The following ST7L variants were observed in gnomAD, a reference collection of about 807,000 sequenced individuals.
The protein encoded by ST7L is suppressor of tumorigenicity 7 protein-like.
In ST7L, 57 loss-of-function variants were observed where a neutral mutation model predicts 72.5. The ratio of observed to expected loss-of-function variants is 0.79; its 90% CI spans 0.64 to 0.98. The LOEUF (loss-of-function observed/expected upper bound fraction) is 0.98. Ranked by LOEUF, ST7L falls within the 50% of genes least tolerant of loss-of-function variation. ST7L has a pLI of 0.00. For missense variants in ST7L, 576 were observed against 672.2 expected, an observed-to-expected ratio of 0.86 and a Z score of 1.58; for synonymous variants, 221 against 240.9, an observed-to-expected ratio of 0.92 and a Z score of 0.77.
At chr1:112,580,077 T>A (rs1174628910) in intron 9 of ST7L, among the ~76,000 whole-genome samples, 1 of 152,230 alleles carries the variant, frequency 6.6e-6, no homozygotes, top group Non-Finnish European at 1.5e-5. Flanking sequence ...CATTTCAAAC[T>A]TCCCAAGTCA....
chr1:112,600,609 T>G lies in ST7L; in HGVS notation c.506+185A>C, dbSNP rs913661787. Among the ~76,000 whole-genome samples, 10 of 150,962 alleles carry G rather than the reference T, an allele frequency of 6.6e-5. No homozygotes were observed. The South Asian group carries it at 8.3e-4, about 13-fold the overall frequency. ...AGACTCTATCTCTAAAAAATTTTAA[T>G]TAAAAAAAAAAAGTAAACACAGTGA... On this transcript the variant is annotated intron_variant, in intron 4 of 14. Transcript: ENST00000358039.
At chr1:112,585,837 TAA>T (rs755913337) in intron 6 of ST7L, among the ~76,000 whole-genome samples, 2 of 152,204 alleles carry the variant, frequency 1.3e-5, no homozygotes, top group Non-Finnish European at 2.9e-5. Flanking sequence ...CTAGAAAATT[TAA>T]AGTTACATAT....
chr1:112,535,422 A>G (rs1259635663), intron 14 of ST7L, among the ~76,000 whole-genome samples: 4 of 151,368 alleles, frequency 2.6e-5, no homozygotes, highest in Admixed American at 6.6e-5. Flanking sequence ...GAAGAAGAAG[A>G]TGAAGAAGAA....
chr1:112,607,099 TGAGGTCCTG>T (rs1177945920), intron 3 of ST7L: 1 of 152,234 alleles, frequency 6.6e-6, no homozygotes, highest in Non-Finnish European at 1.5e-5. Context: ...AAAGGCTCTT[TGAGGTCCTG>T]GATAATTTTT....
chr1:112,603,782 A>G (rs1396667605), intron 3 of ST7L, among the ~76,000 whole-genome samples: 3 of 152,186 alleles, frequency 2.0e-5, no homozygotes, highest in Non-Finnish European at 2.9e-5. Flanking sequence ...GGTGAAACTG[A>G]GTTCTTGTTG....
At chr1:112,602,286 C>A (rs1286581969) in intron 3 of ST7L, among the ~76,000 whole-genome samples, 1 of 152,118 alleles carries the variant, frequency 6.6e-6, no homozygotes, top group Non-Finnish European at 1.5e-5. Flanking sequence ...AACAATTCTT[C>A]AAAATAAATT....
intron 7 of ST7L, among the ~76,000 whole-genome samples, chr1:112,583,188 C>T (rs988262891): frequency 1.3e-5 from 2 of 151,954 alleles, no homozygotes; most frequent in African/African-American, 2.4e-5. Flanking sequence ...AAACATTATC[C>T]AAATTTTAAT....
intron 9 of ST7L, among the ~76,000 whole-genome samples, chr1:112,579,025 G>A (rs922610449): frequency 3.3e-5 from 5 of 152,064 alleles, no homozygotes; most frequent in Admixed American, 2.6e-4. Flanking sequence ...TTTTCTGACC[G>A]AGATGAAATT....
At position 112,530,349 on chromosome 1, in the gene ST7L, T is replaced by C. The variant is rs571333939; in HGVS notation, c.1630-4238A>G. Among the ~76,000 whole-genome samples the C allele has an allele frequency of 5.9e-5, 9 of 152,312 alleles. No homozygotes were observed. In the East Asian group the frequency reaches 1.5e-3, roughly 26 times the overall value. On this transcript the variant is annotated intron_variant, in intron 14 of 14. Coordinates refer to ENST00000358039, the MANE Select transcript of ST7L (RefSeq NM_017744.5). ...TTTACCATATTTACTGATTACATTT[T>C]ACCATATTTTACCATATTTACTGAT...
At chr1:112,561,641 T>C (rs998713373) in intron 11 of ST7L, among the ~76,000 whole-genome samples, 1 of 151,514 alleles carries the variant, frequency 6.6e-6, no homozygotes, top group Non-Finnish European at 1.5e-5. Context: ...CCACCACACC[T>C]GGCTAATTTT....
At chr1:112,599,073 A>AAAAATATATATATAT (rs1190968815) in intron 4 of ST7L, among the ~76,000 whole-genome samples, 12 of 56,994 alleles carry the variant, frequency 2.1e-4, no homozygotes, top group Non-Finnish European at 2.8e-4. Context: ...AAAAAAAAAA[A>AAAAATATATATATAT]ATATATATAT....
chr1:112,619,499 A>G, upstream of ST7L: 1 of 518,280 alleles, frequency 1.9e-6, no homozygotes, highest in Non-Finnish European at 3.4e-6. Flanking sequence ...GATAACGGGC[A>G]CCAGAAAAAC....
At chr1:112,520,700 A>G (rs1420396477), downstream of ST7L, 2 of 629,946 alleles carry the variant, frequency 3.2e-6, no homozygotes, top group African/African-American at 3.7e-5. Flanking sequence ...TTGTCAGGGG[A>G]TATAAGAAAC....
chr1:112,571,156 C>T (rs563800481), intron 11 of ST7L: 37 of 378,094 alleles, frequency 9.8e-5, no homozygotes, highest in Non-Finnish European at 1.7e-4. Context: ...GATGACAGAG[C>T]GAGACTGTCT....
chr1:112,519,014 A>G (rs1327507757), downstream of ST7L, among the ~76,000 whole-genome samples: 1 of 152,170 alleles, frequency 6.6e-6, no homozygotes, highest in African/African-American at 2.4e-5. Flanking sequence ...GTAAAAGACC[A>G]TATGTGACTA....
intron 11 of ST7L, among the ~76,000 whole-genome samples, chr1:112,568,371 T>C (rs1289844710): frequency 2.0e-5 from 3 of 149,328 alleles, no homozygotes; most frequent in Admixed American, 2.0e-4. Context: ...GAGTCTTGCT[T>C]TGTCGCCCAG....
At chr1:112,606,403 T>C (rs1359048130) in intron 3 of ST7L, among the ~76,000 whole-genome samples, 1 of 152,178 alleles carries the variant, frequency 6.6e-6, no homozygotes, top group African/African-American at 2.4e-5. Flanking sequence ...CCCAAAATGC[T>C]AGAATACAGT....
In ST7L at chr1:112,617,967, T is replaced by G. The variant is rs1056706466; in HGVS notation, c.205+942A>C. 5.4e-6 allele frequency: 7 copies of G among 1,301,328 alleles called. No homozygotes were observed. In the Admixed American group the frequency reaches 1.6e-4, roughly 30 times the overall value. 80.6% of individuals were successfully genotyped at this position (1,301,328 alleles called of 1,614,324 possible). ...TAGTTATATTTGAACTTGATACCTA[T>G]CCTCCAAAAAAACCAAAATATTTCC... On this transcript the variant is annotated intron_variant, in intron 1 of 14. Transcript: ENST00000358039.
intron 13 of ST7L, among the ~76,000 whole-genome samples, chr1:112,544,745 T>G (rs1656777124): frequency 6.6e-6 from 1 of 152,252 alleles, no homozygotes; most frequent in Non-Finnish European, 1.5e-5. Context: ...GTATTCTCAC[T>G]TTATAAGGTA....
Sources: allele counts gnomAD v4.1 joint callset (sites outside exome capture counted in the v4.1 genomes callset), GRCh38; gene constraint gnomAD v4.1.1; transcripts MANE v1.5; gene names NCBI Gene and HGNC (gene_info 2026-07-23, HGNC 2026-07-21).